The following C3orf33 variants were observed in gnomAD, a reference collection of about 807,000 sequenced individuals.
The protein encoded by C3orf33 is AP-1 activity suppressor.
A neutral mutation model predicts 28.7 loss-of-function variants in C3orf33; 23 were observed. The ratio of observed to expected loss-of-function variants is 0.80; its 90% CI spans 0.58 to 1.13. The LOEUF is 1.13. C3orf33 is among the 50% of genes most tolerant of loss of function. The pLI is 0.00. For missense variants in C3orf33, 327 were observed against 353.4 expected (o/e 0.93, Z 0.60); for synonymous variants, 119 against 120.5 (o/e 0.99, Z 0.08).
intron 2 of C3orf33, among the ~76,000 whole-genome samples, chr3:155,790,174 A>G (rs1467660671): frequency 6.7e-6 from 1 of 150,358 alleles, no homozygotes; most frequent in Non-Finnish European, 1.5e-5. Flanking sequence ...AAAAAAAAAA[A>G]AAAAAAAAAA....
In C3orf33 at chr3:155,767,647, C is replaced by G; in HGVS notation, c.345G>C (p.Leu115=). ...CGAGTTCTACTCCAGCCAACTTAAC[C>G]AGCAAAGCACCACGTGGCTCTTCTA... ...SLRKEPRGAL[L]VKLAGVELAE... The change falls in exon 4 of 5, where the codon CTG becomes CTC. Residue 115 remains leucine (L), a synonymous_variant. Coordinates refer to ENST00000340171, the MANE Select transcript of C3orf33 (RefSeq NM_001308229.2). 6.4e-7 allele frequency: 1 copy of G among 1,573,270 alleles called. No individual in the cohort carries two copies. Among genetic ancestry groups the G allele is most frequent in the Non-Finnish European group, 8.7e-7 (1 of 1,155,438 alleles).
intron 2 of C3orf33, among the ~76,000 whole-genome samples, chr3:155,796,131 A>G (rs1206116418): frequency 6.6e-6 from 1 of 152,104 alleles, no homozygotes; most frequent in Non-Finnish European, 1.5e-5. Context: ...ACCCAAAATT[A>G]GTAGAAGAAA....
chr3:155,769,266 C>T (rs1398584748), intron 3 of C3orf33, among the ~76,000 whole-genome samples: 1 of 151,022 alleles, frequency 6.6e-6, no homozygotes, highest in African/African-American at 2.4e-5. Flanking sequence ...GAGCCAAGAT[C>T]GTGCCATTGC....
intron 2 of C3orf33, among the ~76,000 whole-genome samples, chr3:155,788,206 A>C (rs1751197263): frequency 6.9e-6 from 1 of 145,104 alleles, no homozygotes. Flanking sequence ...AAAAAAGGAT[A>C]AAATAAAAAT....
intron 1 of C3orf33, chr3:155,805,493 G>A (rs1466890771): frequency 2.5e-6 from 1 of 406,020 alleles, no homozygotes; most frequent in Admixed American, 2.6e-5. Context: ...GGCTGAGGTG[G>A]GAGATCACTT....
intron 2 of C3orf33, among the ~76,000 whole-genome samples, chr3:155,787,438 G>A (rs1451083741): frequency 6.8e-6 from 1 of 147,222 alleles, no homozygotes; most frequent in Non-Finnish European, 1.5e-5. Flanking sequence ...TGCAACCTCT[G>A]CCTCCCGGGT....
intron 2 of C3orf33, among the ~76,000 whole-genome samples, chr3:155,780,483 T>G (rs754507560): frequency 1.3e-5 from 2 of 152,246 alleles, no homozygotes; most frequent in African/African-American, 2.4e-5. Flanking sequence ...TGAAATTATG[T>G]TTATAAAGTG....
intron 2 of C3orf33, among the ~76,000 whole-genome samples, chr3:155,787,762 C>T (rs930338502): frequency 6.6e-6 from 1 of 151,934 alleles, no homozygotes; most frequent in African/African-American, 2.4e-5. Context: ...GATCCTCCCA[C>T]CTCAGCCTCC....
At chr3:155,773,186 G>A (rs1284440644) in intron 3 of C3orf33, among the ~76,000 whole-genome samples, 3 of 152,200 alleles carry the variant, frequency 2.0e-5, no homozygotes, top group Admixed American at 1.3e-4. Flanking sequence ...CTATGCTCTA[G>A]CAACTTATTG....
At chr3:155,775,654 AAAG>A (rs754071873) in intron 3 of C3orf33, 44 bp downstream of exon 3, 13 of 1,297,398 alleles carry the variant, frequency 1.0e-5, no homozygotes, top group Admixed American at 2.6e-5. Flanking sequence ...ACTTCTAATA[AAAG>A]AAGACCACAA....
At chr3:155,802,983 T>C (rs1185569461) in intron 1 of C3orf33, among the ~76,000 whole-genome samples, 1 of 152,202 alleles carries the variant, frequency 6.6e-6, no homozygotes, top group Admixed American at 6.5e-5. Context: ...TCCATCAATA[T>C]ATGAACTGGT....
chr3:155,792,604 C>G (rs1027845097), intron 2 of C3orf33, among the ~76,000 whole-genome samples: 5 of 152,074 alleles, frequency 3.3e-5, no homozygotes, highest in Admixed American at 1.3e-4. Flanking sequence ...TGAAAGAACT[C>G]AGAATCCTAC....
chr3:155,777,298 G>A (rs1436932643), intron 2 of C3orf33, among the ~76,000 whole-genome samples: 1 of 151,278 alleles, frequency 6.6e-6, no homozygotes, highest in East Asian at 1.9e-4. Context: ...TGGGCAACAA[G>A]AGCGAAACTC....
intron 2 of C3orf33, among the ~76,000 whole-genome samples, chr3:155,795,222 G>A (rs529111052): frequency 7.9e-5 from 12 of 152,226 alleles, no homozygotes; most frequent in East Asian, 3.9e-4. Flanking sequence ...TTGGGAGGCC[G>A]AGGTGGATAG....
chr3:155,779,376 T>C (rs927533229), intron 2 of C3orf33, among the ~76,000 whole-genome samples: 1 of 151,926 alleles, frequency 6.6e-6, no homozygotes, highest in African/African-American at 2.4e-5. Context: ...CTCACTACAA[T>C]CTCTGCCTCC....
intron 2 of C3orf33, among the ~76,000 whole-genome samples, chr3:155,776,553 G>A (rs1750754029): frequency 6.6e-6 from 1 of 151,978 alleles, no homozygotes; most frequent in Non-Finnish European, 1.5e-5. Flanking sequence ...GGAGGCTTAG[G>A]TTGGAGGGTT....
chr3:155,801,079 A>G (rs1010703326), intron 2 of C3orf33, among the ~76,000 whole-genome samples: 2 of 152,106 alleles, frequency 1.3e-5, no homozygotes, highest in African/African-American at 2.4e-5. Flanking sequence ...TTGGAAGACC[A>G]AGGCCGGTGT....
At chr3:155,784,598 G>C (rs1024842944) in intron 2 of C3orf33, among the ~76,000 whole-genome samples, 3 of 151,920 alleles carry the variant, frequency 2.0e-5, no homozygotes, top group African/African-American at 4.8e-5. Context: ...AAATTAGCTA[G>C]GTGTGGCAGT....
At chr3:155,792,788 A>G (rs1465269569) in intron 2 of C3orf33, among the ~76,000 whole-genome samples, 2 of 152,136 alleles carry the variant, frequency 1.3e-5, no homozygotes, top group Non-Finnish European at 2.9e-5. Context: ...ATACACAGTC[A>G]GAGGAGAAAA....
Sources: allele counts gnomAD v4.1 joint callset (sites outside exome capture counted in the v4.1 genomes callset), GRCh38; gene constraint gnomAD v4.1.1; transcripts MANE v1.5; gene names NCBI Gene and HGNC (gene_info 2026-07-23, HGNC 2026-07-21).